The following RAB27A variants were observed in gnomAD, a reference collection of about 807,000 sequenced individuals.
RAB27A encodes the protein RAB27A, member RAS oncogene family.
A neutral mutation model predicts 20.8 loss-of-function variants in RAB27A; 17 were observed. The ratio of observed to expected loss-of-function variants is 0.82; its 90% CI spans 0.56 to 1.23. RAB27A has a LOEUF of 1.23. Ranked by LOEUF, RAB27A falls within the 50% of genes most tolerant of loss-of-function variation. The probability of loss-of-function intolerance (pLI) is 0.00; values close to 1 mark genes in which losing one functional copy is unlikely to be tolerated. For synonymous variants in RAB27A, 85 were observed against 92.8 expected (o/e 0.92, Z 0.48); for missense variants, 277 against 266.7 (o/e 1.04, Z -0.27).
chr15:55,227,883 T>C (rs1476150151), intron 5 of RAB27A, among the ~76,000 whole-genome samples: 1 of 152,228 alleles, frequency 6.6e-6, no homozygotes, highest in Non-Finnish European at 1.5e-5. Flanking sequence ...AAGAATTTAA[T>C]ATTACAGCCT....
intron 2 of RAB27A, among the ~76,000 whole-genome samples, chr15:55,300,522 A>G (rs563837022): frequency 1.3e-5 from 2 of 152,258 alleles, no homozygotes; most frequent in East Asian, 3.9e-4. Flanking sequence ...TCTACTAAAA[A>G]TACAAAATTA....
intron 2 of RAB27A, among the ~76,000 whole-genome samples, chr15:55,240,112 A>G (rs1896421954): frequency 6.6e-6 from 1 of 152,138 alleles, no homozygotes; most frequent in Non-Finnish European, 1.5e-5. Flanking sequence ...TTGTTCTCTT[A>G]TTTATTATTC....
chr15:55,228,755 A>G (rs1472686536), intron 4 of RAB27A, 43 bp from the exon 5 acceptor site: 2 of 1,371,576 alleles, frequency 1.5e-6, no homozygotes, highest in African/African-American at 2.9e-5. Context: ...CCACGGCCCC[A>G]CTCCTGAAAT....
rs184558966 is a variant in RAB27A at position 55,257,423 on chromosome 15, G to C, written c.-23+12742C>G. Among the ~76,000 whole-genome samples the C allele has an allele frequency of 3.9e-5, 6 of 152,306 alleles. No homozygotes were observed. The East Asian group carries it at 1.2e-3, about 29-fold the overall frequency. ...CATGCTGTTAGTTCAGGATGAACAA[G>C]ACCAAGGATAACAGCAGGGTGCTCT... On this transcript the variant is annotated intron_variant, in intron 2 of 6. Coordinates refer to ENST00000336787, the MANE Select transcript of RAB27A (RefSeq NM_183235.3).
At chr15:55,315,784 G>C (rs1370984557) in intron 1 of RAB27A, among the ~76,000 whole-genome samples, 2 of 152,188 alleles carry the variant, frequency 1.3e-5, no homozygotes, top group Admixed American at 6.5e-5. Context: ...GGAGAAATAC[G>C]AACGCTTTTA....
chr15:55,218,520 T>C (rs1895417189), intron 6 of RAB27A, among the ~76,000 whole-genome samples: 1 of 152,246 alleles, frequency 6.6e-6, no homozygotes, highest in Non-Finnish European at 1.5e-5. Flanking sequence ...GTGAGCATGC[T>C]GTTGAATTAA....
intron 6 of RAB27A, among the ~76,000 whole-genome samples, chr15:55,207,571 A>C (rs1183702080): frequency 2.0e-5 from 3 of 152,244 alleles, no homozygotes; most frequent in Admixed American, 2.0e-4. Context: ...CAGTGACAGG[A>C]ACTTTCCATA....
chr15:55,215,338 A>G (rs953880765), intron 6 of RAB27A, among the ~76,000 whole-genome samples: 1 of 152,218 alleles, frequency 6.6e-6, no homozygotes, highest in African/African-American at 2.4e-5. Context: ...GGAAGTTATC[A>G]ACAACATGGA....
At chr15:55,210,880 G>C (rs911831660) in intron 6 of RAB27A, among the ~76,000 whole-genome samples, 4 of 152,082 alleles carry the variant, frequency 2.6e-5, no homozygotes, top group Non-Finnish European at 5.9e-5. Flanking sequence ...TTTTCTTCTA[G>C]TAGTTTCATA....
chr15:55,285,826 C>G (rs904868416), intron 1 of RAB27A, among the ~76,000 whole-genome samples: 4 of 152,204 alleles, frequency 2.6e-5, no homozygotes, highest in African/African-American at 9.7e-5. Flanking sequence ...CTTCACTCTT[C>G]TTAAATTAGC....
At chr15:55,241,548 A>T (rs780121258) in intron 2 of RAB27A, among the ~76,000 whole-genome samples, 4 of 149,584 alleles carry the variant, frequency 2.7e-5, no homozygotes, top group Non-Finnish European at 5.9e-5. Flanking sequence ...AGGCAGAAGG[A>T]TGGCTTGACG....
chr15:55,215,814 C>T (rs1188032237), intron 6 of RAB27A, among the ~76,000 whole-genome samples: 8 of 151,706 alleles, frequency 5.3e-5, no homozygotes. Context: ...GGCGTGGTGG[C>T]AGGCGCCTAT....
chr15:55,241,640 T>TATA (rs1896496525), intron 2 of RAB27A, among the ~76,000 whole-genome samples: 1 of 113,094 alleles, frequency 8.8e-6, no homozygotes, highest in African/African-American at 6.2e-5. Context: ...GTATATATAT[T>TATA]TGTTTTTTTT....
intron 2 of RAB27A, among the ~76,000 whole-genome samples, chr15:55,256,988 G>A (rs1475632129): frequency 1.3e-5 from 2 of 152,166 alleles, no homozygotes; most frequent in Non-Finnish European, 2.9e-5. Flanking sequence ...ATGGGAATGG[G>A]AAGAAGGGGA....
intron 6 of RAB27A, among the ~76,000 whole-genome samples, chr15:55,212,325 TG>T (rs930267786): frequency 2.0e-5 from 3 of 152,172 alleles, no homozygotes; most frequent in African/African-American, 7.2e-5. Flanking sequence ...TAGGTTCTAC[TG>T]GTTCCAAACT....
In RAB27A at chr15:55,209,976, A is replaced by T. The variant is rs1894894463; in HGVS notation, c.468-4271T>A. Among the ~76,000 whole-genome samples the T allele has an allele frequency of 1.5e-5, 2 of 137,600 alleles. 1 individual carries two copies. Among genetic ancestry groups the T allele is most frequent in the African/African-American group, 5.8e-5 (2 of 34,526 alleles). 90.3% of individuals were successfully genotyped at this position (137,600 alleles called of 152,430 possible). A position where few individuals can be genotyped will look rare whatever the true frequency, so the allele number is the denominator to read the frequency against. ...TACGCATATATGTGCGTATGTGTGT[A>T]CATGTACATATATACGCATATATGT... On this transcript the variant is annotated intron_variant, in intron 6 of 6. Coordinates refer to ENST00000336787, the MANE Select transcript of RAB27A (RefSeq NM_183235.3).
chr15:55,227,375 G>C (rs998006966), intron 5 of RAB27A, among the ~76,000 whole-genome samples: 4 of 152,186 alleles, frequency 2.6e-5, no homozygotes, highest in African/African-American at 9.7e-5. Flanking sequence ...AAGGAGGGAT[G>C]ATGAACACGG....
chr15:55,272,737 A>G (rs1004800176), intron 1 of RAB27A, among the ~76,000 whole-genome samples: 3 of 152,244 alleles, frequency 2.0e-5, no homozygotes, highest in African/African-American at 7.2e-5. Context: ...TAAACTCACA[A>G]GGACAAAGAT....
intron 2 of RAB27A, among the ~76,000 whole-genome samples, chr15:55,300,589 G>T (rs1181804790): frequency 6.6e-6 from 1 of 152,136 alleles, no homozygotes; most frequent in East Asian, 1.9e-4. Context: ...TGAGGCAAGA[G>T]AATCGCTTGA....
Sources: allele counts gnomAD v4.1 joint callset (sites outside exome capture counted in the v4.1 genomes callset), GRCh38; gene constraint gnomAD v4.1.1; transcripts MANE v1.5; gene names NCBI Gene and HGNC (gene_info 2026-07-23, HGNC 2026-07-21).